Variants in RGL1 observed in about 807,000 individuals in gnomAD.
RGL1 encodes ral guanine nucleotide dissociation stimulator like 1, also known as ral guanine nucleotide dissociation stimulator-like 1.
In RGL1, 24 loss-of-function variants were observed where a neutral mutation model predicts 95.2. The observed-to-expected ratio is 0.25, with a 90% confidence interval of 0.18 to 0.35. The LOEUF is 0.35. Ranked by LOEUF, RGL1 falls within the 10% of genes least tolerant of loss-of-function variation. The pLI, the probability that RGL1 is intolerant of heterozygous loss-of-function variation, is 1.00. For synonymous variants in RGL1, 329 were observed against 344.9 expected, an observed-to-expected ratio of 0.95 and a Z score of 0.51; for missense variants, 715 against 936.3, an observed-to-expected ratio of 0.76 and a Z score of 3.08.
chr1:183,676,744 C>A (rs369049201), intron 1 of RGL1, among the ~76,000 whole-genome samples: 2 of 142,588 alleles, frequency 1.4e-5, no homozygotes, highest in South Asian at 4.5e-4. Flanking sequence ...AGCCCAGGGG[C>A]CTCTGGCTTT....
chr1:183,818,225 G>C lies in RGL1; in HGVS notation c.138+11740G>C, dbSNP rs145596025. The stretch of plus-strand genomic sequence containing the variant: ...GATGATCCTCTTCTCAGTGGCAAAA[G>C]AGTTTTAAAAGGTTTCCTTCCATCT... On this transcript the variant is annotated intron_variant, in intron 2 of 17. Transcript: ENST00000360851. Among the ~76,000 whole-genome samples, 454 of 152,300 alleles carry C rather than the reference G, an allele frequency of 3.0e-3. 2 individuals carry two copies. The highest frequency in any genetic ancestry group is 0.01 in the African/African-American group (433 of 41,572).
intron 4 of RGL1, among the ~76,000 whole-genome samples, chr1:183,870,636 A>G (rs1044659509): frequency 6.6e-6 from 1 of 152,082 alleles, no homozygotes; most frequent in Admixed American, 6.6e-5. Flanking sequence ...GGCCCGGGGG[A>G]GAATCTTTCA....
intron 1 of RGL1, among the ~76,000 whole-genome samples, chr1:183,646,232 TA>T (rs1441615231): frequency 6.6e-6 from 1 of 152,216 alleles, no homozygotes; most frequent in African/African-American, 2.4e-5. Flanking sequence ...AATAAAACTA[TA>T]TTCCAGTAAT....
intron 17 of RGL1, among the ~76,000 whole-genome samples, chr1:183,925,883 G>A (rs757323217): frequency 6.6e-6 from 1 of 152,048 alleles, no homozygotes; most frequent in Admixed American, 6.6e-5. Flanking sequence ...TTCATGGAGC[G>A]AATTTCTAAA....
At chr1:183,832,855 G>A (rs1176908534) in intron 2 of RGL1, among the ~76,000 whole-genome samples, 1 of 152,156 alleles carries the variant, frequency 6.6e-6, no homozygotes, top group Non-Finnish European at 1.5e-5. Context: ...AGAAAATGAT[G>A]TTTATAAGGA....
At chr1:183,840,020 C>T in intron 2 of RGL1, among the ~76,000 whole-genome samples, 1 of 152,150 alleles carries the variant, frequency 6.6e-6, no homozygotes, top group Middle Eastern at 3.2e-3. Flanking sequence ...GAATGGACAG[C>T]CATGTGGAAA....
At chr1:183,662,827 G>A (rs1651741336) in intron 1 of RGL1, among the ~76,000 whole-genome samples, 2 of 152,296 alleles carry the variant, frequency 1.3e-5, no homozygotes, top group Admixed American at 6.5e-5. Flanking sequence ...CAAGGCTACA[G>A]TAACCAAAAC....
chr1:183,828,213 T>C (rs191110423), intron 2 of RGL1, among the ~76,000 whole-genome samples: 73 of 152,358 alleles, frequency 4.8e-4, no homozygotes, highest in African/African-American at 1.7e-3. Context: ...TAGACAGTTA[T>C]AATTTCACAT....
intron 2 of RGL1, among the ~76,000 whole-genome samples, chr1:183,768,332 A>T (rs755155646): frequency 6.6e-6 from 1 of 152,058 alleles, no homozygotes; most frequent in African/African-American, 2.4e-5. Flanking sequence ...AACCTTTTTT[A>T]AAAAACCGAA....
chr1:183,879,625 C>A (rs1272990331), intron 4 of RGL1, among the ~76,000 whole-genome samples: 2 of 152,186 alleles, frequency 1.3e-5, no homozygotes, highest in Admixed American at 6.5e-5. Context: ...AGTGACTATT[C>A]CGGGACCGTA....
At chr1:183,742,318 T>C (rs780254943) in intron 2 of RGL1, 2 of 1,613,470 alleles carry the variant, frequency 1.2e-6, no homozygotes, top group Admixed American at 3.3e-5. Flanking sequence ...ACACAGTTGG[T>C]GAAATGTTGG....
intron 2 of RGL1, among the ~76,000 whole-genome samples, chr1:183,813,241 G>A (rs1017969294): frequency 6.6e-6 from 1 of 152,186 alleles, no homozygotes; most frequent in African/African-American, 2.4e-5. Context: ...GTTTCAAAGA[G>A]CAGGTCAGCA....
At chr1:183,897,704 G>A (rs547539492) in intron 9 of RGL1, 104 bp from the exon 10 acceptor site, 2 of 765,172 alleles carry the variant, frequency 2.6e-6, no homozygotes, top group Non-Finnish European at 4.4e-6. Context: ...GGTGTTCCGA[G>A]CGAGAGTTAT....
chr1:183,748,394 C>CTTT lies in RGL1; in HGVS notation c.132+6132_132+6134dup, dbSNP rs56920504. On this transcript the variant is annotated intron_variant, in intron 2 of 18. Coordinates refer to the RGL1 transcript ENST00000304685. ...TTTGAATTTGTTTGCTTCTCTAGTT[C>CTTT]TTTTTTTTTTTTTTTTTTTTTTTTT... Among the ~76,000 whole-genome samples the CTTT allele has an allele frequency of 2.0e-3, 137 of 69,722 alleles. 35 individuals are homozygous for CTTT. The highest frequency in any genetic ancestry group is 7.2e-3 in the African/African-American group (109 of 15,088). 45.7% of individuals were successfully genotyped at this position (69,722 alleles called of 152,430 possible).
chr1:183,642,951 G>A (rs1243649607), intron 1 of RGL1, among the ~76,000 whole-genome samples: 1 of 152,142 alleles, frequency 6.6e-6, no homozygotes, highest in Non-Finnish European at 1.5e-5. Context: ...ATAACTCCCT[G>A]TTCCCTGCTC....
chr1:183,909,585 G>C (rs1668530146), intron 14 of RGL1, among the ~76,000 whole-genome samples: 1 of 152,124 alleles, frequency 6.6e-6, no homozygotes. Flanking sequence ...AATGCTTGAA[G>C]GGTCATAAAA....
chr1:183,654,877 G>A (rs1651034991), intron 1 of RGL1, among the ~76,000 whole-genome samples: 1 of 152,206 alleles, frequency 6.6e-6, no homozygotes, highest in African/African-American at 2.4e-5. Flanking sequence ...TCCAAGGAAT[G>A]TTAAGTTGGC....
At position 183,805,185 on chromosome 1, in the gene RGL1, G is replaced by C; in HGVS notation, c.-113G>C. The C allele has an allele frequency of 1.4e-5, 20 of 1,413,140 alleles. No individual in the cohort carries two copies. The highest frequency in any genetic ancestry group is 1.9e-5 in the Non-Finnish European group (20 of 1,062,154). 87.5% of individuals were successfully genotyped at this position (1,413,140 alleles called of 1,614,324 possible). A position where few individuals can be genotyped will look rare whatever the true frequency, so the allele number is the denominator to read the frequency against. On this transcript the variant is annotated 5_prime_UTR_variant, in exon 1 of 18. Transcript: ENST00000360851. ...CGGCGCGTGTCTGTGCGCTGCGGTC[G>C]CTCGGGACCGGGACCGGGGCGAGGC...
chr1:183,822,986 C>T (rs139218746), intron 2 of RGL1, among the ~76,000 whole-genome samples: 2 of 152,292 alleles, frequency 1.3e-5, no homozygotes, highest in East Asian at 3.9e-4. Flanking sequence ...AGACATCACT[C>T]AAATTCTAGC....
Sources: gnomAD v4.1 joint callset for allele counts (sites outside exome capture counted in the v4.1 genomes callset) on GRCh38, gnomAD v4.1.1 for gene constraint, MANE v1.5 for transcripts, NCBI Gene and HGNC (gene_info 2026-07-23, HGNC 2026-07-21) for gene names.